MGRN1: variants seen among roughly 807,000 people sequenced by gnomAD.
MGRN1 encodes the protein mahogunin ring finger 1.
In MGRN1, 29 loss-of-function variants were observed where a neutral mutation model predicts 69.2. The observed-to-expected ratio is 0.42, with a 90% CI of 0.31 to 0.57. The LOEUF is 0.57. Among genes scored for constraint, MGRN1 ranks in the 20% least tolerant of loss-of-function variants. The pLI, the probability that MGRN1 is intolerant of heterozygous loss-of-function variation, is 0.15. For missense variants in MGRN1, 998 were observed against 796.2 expected (o/e 1.25, Z -3.05); for synonymous variants, 470 against 344.2 (o/e 1.37, Z -4.04).
intron 15 of MGRN1, 111 bp from the exon 16 acceptor site, chr16:4,683,732 C>T: frequency 2.3e-6 from 2 of 867,544 alleles, no homozygotes; most frequent in Middle Eastern, 2.4e-4. Flanking sequence ...AGCCTGGGGT[C>T]CCCACAGTGG....
At position 4,671,470 on chromosome 16, in the gene MGRN1, G is replaced by C. The variant is rs1387671194; in HGVS notation, c.795+11G>C. On this transcript the variant is annotated intron_variant, in intron 9 of 16. Coordinates refer to ENST00000262370, the MANE Select transcript of MGRN1 (RefSeq NM_015246.4). ...AACCAGGAGACCAAGGTGTGTATCT[G>C]GGTGAGGTTTCCCTCTGCCATTACA... 6 of 1,613,236 alleles carry C rather than the reference G, an allele frequency of 3.7e-6. No homozygotes were observed. The East Asian group carries it at 8.9e-5, about 24-fold the overall frequency.
Position 4,688,501 on chromosome 16 carries a change from C to T in MGRN1, c.1619-295C>T, listed in dbSNP as rs1259886295. The T allele has an allele frequency of 5.0e-6, 6 of 1,191,318 alleles. No homozygotes were observed. In the East Asian group the frequency reaches 1.5e-4, roughly 31 times the overall value. The allele number at this position is 1,191,318 out of a possible 1,614,324, so 73.8% of individuals were successfully genotyped here. On this transcript the variant is annotated intron_variant, in intron 16 of 16. Transcript: ENST00000262370. ...GGAACCAGGGCAAGGGCAGGAGGCC[C>T]AGAGGGCATCCACCGCGGTGCCGTG...
rs1213764515 is a variant in MGRN1 at position 4,657,324 on chromosome 16, C to T, written c.522C>T (p.Pro174=). ...GGGTGAGCCAGCAGTTCTCCCTGCC[C>T]TCCTTCAAGATTGACTTCTCGGAAT... ...KRGVSQQFSL[P]SFKIDFSEWK... Residue 174 remains proline, a synonymous_variant, in exon 5 of 17, where the codon CCC becomes CCT. Transcript: ENST00000262370. The T allele has an allele frequency of 1.2e-6, 2 of 1,614,168 alleles. No individual in the cohort carries two copies. Among genetic ancestry groups the T allele is most frequent in the South Asian group, 1.1e-5 (1 of 91,088 alleles).
chr16:4,685,255 C>T (rs957958529), intron 16 of MGRN1, among the ~76,000 whole-genome samples: 1 of 152,254 alleles, frequency 6.6e-6, no homozygotes. Context: ...CTGGGAGCCA[C>T]GAACATGATA....
At chr16:4,668,701 CAT>C (rs2078866216) in intron 8 of MGRN1, among the ~76,000 whole-genome samples, 1 of 151,192 alleles carries the variant, frequency 6.6e-6, no homozygotes, top group African/African-American at 2.5e-5. Flanking sequence ...CACATACACA[CAT>C]ACACTCACAC....
At chr16:4,687,664 T>TG in intron 16 of MGRN1, 2 of 983,724 alleles carry the variant, frequency 2.0e-6, no homozygotes, top group South Asian at 4.7e-5. Flanking sequence ...GCAGACGGAT[T>TG]GGGGACCCTC....
chr16:4,682,605 G>A (rs796377704), intron 13 of MGRN1, among the ~76,000 whole-genome samples: 46 of 152,306 alleles, frequency 3.0e-4, no homozygotes, highest in African/African-American at 1.1e-3. Context: ...CCAGTGTGTC[G>A]GGAGCCCCTC....
intron 4 of MGRN1, among the ~76,000 whole-genome samples, chr16:4,653,436 C>A (rs531395196): frequency 5.3e-5 from 8 of 152,220 alleles, no homozygotes; most frequent in Non-Finnish European, 1.2e-4. Flanking sequence ...CCCCTGTCCC[C>A]TCCCTGGAGG....
chr16:4,674,031 C>T (rs1022066831), intron 10 of MGRN1, among the ~76,000 whole-genome samples: 5 of 152,244 alleles, frequency 3.3e-5, no homozygotes, highest in Non-Finnish European at 2.9e-5. Context: ...GTCGCCCAGG[C>T]TGGAGTTCAG....
chr16:4,676,338 C>G (rs995824960), intron 10 of MGRN1, among the ~76,000 whole-genome samples: 1 of 152,210 alleles, frequency 6.6e-6, no homozygotes, highest in African/African-American at 2.4e-5. Flanking sequence ...TGTGCCTGCC[C>G]AGGAGGCAGG....
chr16:4,635,433 T>C (rs1898230652), intron 1 of MGRN1, among the ~76,000 whole-genome samples: 1 of 151,932 alleles, frequency 6.6e-6, no homozygotes, highest in Non-Finnish European at 1.5e-5. Context: ...AATTAATAAG[T>C]CAAATAAAAA....
At chr16:4,641,057 C>T (rs898238277) in intron 1 of MGRN1, among the ~76,000 whole-genome samples, 2 of 152,210 alleles carry the variant, frequency 1.3e-5, no homozygotes, top group Admixed American at 6.5e-5. Flanking sequence ...CTTTCACCTC[C>T]ACAGCTGCCT....
intron 14 of MGRN1, 79 bp from the exon 15 acceptor site, chr16:4,683,145 C>T: frequency 6.3e-7 from 1 of 1,576,672 alleles, no homozygotes; most frequent in South Asian, 1.1e-5. Context: ...CCCGGGAGGG[C>T]CGTGCCTGAT....
intron 1 of MGRN1, among the ~76,000 whole-genome samples, chr16:4,636,064 A>C (rs1194822661): frequency 1.3e-5 from 2 of 151,846 alleles, no homozygotes; most frequent in South Asian, 4.2e-4. Context: ...GGCCTCTGCA[A>C]GTGCTGGGAT....
intron 5 of MGRN1, chr16:4,664,068 C>T (rs887039368): frequency 2.6e-5 from 4 of 152,880 alleles, no homozygotes; most frequent in African/African-American, 7.2e-5. Context: ...TTCAGGCAGA[C>T]ACTTGCGCAC....
intron 1 of MGRN1, among the ~76,000 whole-genome samples, chr16:4,629,544 T>G (rs868040427): frequency 5.3e-5 from 8 of 151,564 alleles, no homozygotes; most frequent in Admixed American, 2.0e-4. Context: ...ATTGAGACCA[T>G]CCTGGCCAAC....
Position 4,681,704 on chromosome 16 carries a change from C to T in MGRN1, c.1286C>T (p.Pro429Leu), listed in dbSNP as rs2079186095. 6.2e-7 allele frequency: 1 copy of T among 1,613,224 alleles called. No homozygotes were observed. The highest frequency in any genetic ancestry group is 1.7e-5 in the Admixed American group (1 of 60,000). Reference protein sequence around the residue: ...ISDGLSQASCPLAAIDHILDS... With the variant: ...ISDGLSQASCLLAAIDHILDS... ...GACGGCCTGTCCCAGGCCAGCTGTCCCCTCGCGGCTATCGACCACATCCTG... is the reference window on the plus strand; with the variant it reads ...GACGGCCTGTCCCAGGCCAGCTGTCTCCTCGCGGCTATCGACCACATCCTG... The change falls in exon 13 of 17, where the codon CCC becomes CTC. Residue 429 changes from proline to leucine, a missense_variant. Coordinates refer to ENST00000262370, the MANE Select transcript of MGRN1 (RefSeq NM_015246.4).
At chr16:4,651,227 T>C (rs1037819966) in intron 2 of MGRN1, 1 of 152,202 alleles carries the variant, frequency 6.6e-6, no homozygotes, top group Admixed American at 6.6e-5. Flanking sequence ...AAGGGCACAT[T>C]CGAGTACTGT....
At position 4,683,235 on chromosome 16, in the gene MGRN1, A is replaced by C; in HGVS notation, c.1494A>C (p.Thr498=). The part of the protein sequence containing the change: ...RESSSPESFI[T]EEVDESSSPQ... ...CCTTTGTTTCCTAGAGTTTCATAACAGAAGAGGTTGATGAGTCGTCGTCAC... is the reference window on the plus strand; with the variant it reads ...CCTTTGTTTCCTAGAGTTTCATAACCGAAGAGGTTGATGAGTCGTCGTCAC... Residue 498 remains threonine (T), a synonymous_variant, in exon 15 of 17, where the codon ACA becomes ACC. Transcript: ENST00000262370. The C allele has an allele frequency of 2.5e-6, 4 of 1,613,838 alleles. No individual in the cohort carries two copies. Among genetic ancestry groups the C allele is most frequent in the Non-Finnish European group, 3.4e-6 (4 of 1,179,978 alleles).
Sources: allele counts gnomAD v4.1 joint callset (sites outside exome capture counted in the v4.1 genomes callset), GRCh38; gene constraint gnomAD v4.1.1; transcripts MANE v1.5; gene names NCBI Gene and HGNC (gene_info 2026-07-23, HGNC 2026-07-21).